Variants in KAZN observed in about 807,000 individuals in gnomAD.
KAZN encodes the protein kazrin, periplakin interacting protein, also known as kazrin.
Under a neutral mutation model 87.4 loss-of-function variants are expected in KAZN, and 40 were observed. That is an observed-to-expected ratio of 0.46 (90% CI 0.36 to 0.60). KAZN has a LOEUF of 0.60. Ranked by LOEUF, KAZN falls within the 20% of genes least tolerant of loss-of-function variation. The pLI is 0.00. For missense variants in KAZN, 898 were observed against 1,073.9 expected, an observed-to-expected ratio of 0.84 and a Z score of 2.29; for synonymous variants, 466 against 458.3, an observed-to-expected ratio of 1.02 and a Z score of -0.22.
intron 2 of KAZN, among the ~76,000 whole-genome samples, chr1:14,576,457 A>T (rs1191359113): frequency 6.6e-6 from 1 of 151,880 alleles, no homozygotes; most frequent in Non-Finnish European, 1.5e-5. Context: ...GGATGGATGG[A>T]TATATTAATG....
At position 15,060,540 on chromosome 1, in the gene KAZN, G is replaced by A. The variant is rs1278843064; in HGVS notation, c.1047+238G>A. 4.7e-5 allele frequency: 27 copies of A among 569,646 alleles called. 1 individual carries two copies. The Admixed American group carries it at 5.1e-4, about 11-fold the overall frequency. The allele number at this position is 569,646 out of a possible 1,614,324, so 35.3% of individuals were successfully genotyped here. On this transcript the variant is annotated intron_variant, in intron 6 of 14. Coordinates refer to ENST00000376030, the MANE Select transcript of KAZN (RefSeq NM_201628.3). ...AGGGTGAGGAGAATCCAGAGGAAGC[G>A]GGCCTGGGTCGGCCGCAGGCACAGC... is the stretch of plus-strand genomic sequence containing the variant.
At chr1:14,940,543 G>C (rs899244933) in intron 1 of KAZN, among the ~76,000 whole-genome samples, 2 of 152,222 alleles carry the variant, frequency 1.3e-5, no homozygotes, top group African/African-American at 4.8e-5. Flanking sequence ...TTGGGTGGTT[G>C]GGAGCACAGG....
chr1:14,472,870 A>G (rs193165172), intron 2 of KAZN, among the ~76,000 whole-genome samples: 1 of 152,304 alleles, frequency 6.6e-6, no homozygotes, highest in East Asian at 1.9e-4. Context: ...TAGAAGAGAT[A>G]CAAAGTCGAT....
At chr1:15,061,137 G>T (rs1365550283) in intron 6 of KAZN, 1 of 152,184 alleles carries the variant, frequency 6.6e-6, no homozygotes, top group Non-Finnish European at 1.5e-5. Context: ...AAAAAGAAAT[G>T]AGGTGAACAC....
intron 2 of KAZN, among the ~76,000 whole-genome samples, chr1:14,436,389 G>C (rs1666385731): frequency 2.0e-5 from 3 of 152,052 alleles, no homozygotes; most frequent in Non-Finnish European, 4.4e-5. Flanking sequence ...AGGAGGAAGT[G>C]GCAGCTAGCA....
chr1:15,037,554 G>A (rs2100260134), intron 3 of KAZN, among the ~76,000 whole-genome samples: 1 of 152,288 alleles, frequency 6.6e-6, no homozygotes, highest in South Asian at 2.1e-4. Context: ...GGCATGGAAA[G>A]CAAGGGGGGT....
chr1:14,550,226 C>T (rs1304034742), intron 2 of KAZN, among the ~76,000 whole-genome samples: 1 of 152,070 alleles, frequency 6.6e-6, no homozygotes, highest in African/African-American at 2.4e-5. Context: ...ATGAAATTTA[C>T]ATTTAATGGG....
chr1:13,960,956 G>C (rs887807358), intron 1 of KAZN, among the ~76,000 whole-genome samples: 1 of 152,206 alleles, frequency 6.6e-6, no homozygotes, highest in Non-Finnish European at 1.5e-5. Context: ...GAAGGGGACA[G>C]TTACTCATTC....
At chr1:14,046,819 C>T (rs1298661721) in intron 1 of KAZN, among the ~76,000 whole-genome samples, 4 of 152,202 alleles carry the variant, frequency 2.6e-5, no homozygotes, top group African/African-American at 4.8e-5. Context: ...CTGTGTTTCC[C>T]GATTGGAGTC....
At chr1:14,189,467 C>G (rs1410042195) in intron 2 of KAZN, among the ~76,000 whole-genome samples, 4 of 152,142 alleles carry the variant, frequency 2.6e-5, no homozygotes, top group Non-Finnish European at 5.9e-5. Context: ...TCTATACTTC[C>G]TGTAAGTCTA....
chr1:14,475,382 G>C (rs1017361357), intron 2 of KAZN, among the ~76,000 whole-genome samples: 3 of 152,162 alleles, frequency 2.0e-5, no homozygotes, highest in African/African-American at 7.2e-5. Flanking sequence ...ATAATGTGAA[G>C]AATAAAAGGT....
At chr1:13,941,136 A>G (rs1480591619) in intron 1 of KAZN, among the ~76,000 whole-genome samples, 3 of 152,188 alleles carry the variant, frequency 2.0e-5, no homozygotes, top group Non-Finnish European at 4.4e-5. Flanking sequence ...TGGAGGTTGC[A>G]GTGAGCCAAG....
At chr1:15,036,123 G>A (rs1204186613) in intron 3 of KAZN, among the ~76,000 whole-genome samples, 1 of 151,886 alleles carries the variant, frequency 6.6e-6, no homozygotes. Flanking sequence ...GAGTTCTCTG[G>A]GCCAGGCCAC....
chr1:14,360,571 C>T (rs1340364831), intron 2 of KAZN, among the ~76,000 whole-genome samples: 1 of 151,904 alleles, frequency 6.6e-6, no homozygotes, highest in Non-Finnish European at 1.5e-5. Context: ...TTTTAATCTT[C>T]GTGGATTTAT....
intron 2 of KAZN, among the ~76,000 whole-genome samples, chr1:14,424,956 T>C (rs1665637773): frequency 6.6e-6 from 1 of 152,240 alleles, no homozygotes; most frequent in African/African-American, 2.4e-5. Context: ...ATTCCTTGGC[T>C]TTCTCCAGCA....
At chr1:14,144,763 C>T (rs543504834) in intron 1 of KAZN, among the ~76,000 whole-genome samples, 1 of 152,284 alleles carries the variant, frequency 6.6e-6, no homozygotes, top group African/African-American at 2.4e-5. Context: ...AAGGAGAGCC[C>T]AGTGCAGAGA....
chr1:15,103,448 C>A lies in KAZN; in HGVS notation c.1869C>A (p.Asp623Glu), dbSNP rs148839561. The A allele has an allele frequency of 1.1e-5, 17 of 1,551,528 alleles. No homozygotes were observed. In the Admixed American group the frequency reaches 3.1e-4, roughly 29 times the overall value. The change falls in exon 12 of 15, where the codon GAC becomes GAA. Residue 623 changes from aspartate (D) to glutamate (E), a missense_variant. Physicochemically the swap from Asp to Glu is conservative, Grantham distance 45. This residue lies in a region of KAZN where 521 missense variants were observed against 689.4 expected (regional missense o/e 0.76). Coordinates refer to ENST00000376030, the MANE Select transcript of KAZN (RefSeq NM_201628.3). ...TNQRVLKWVR[D>E]IDLKEYADNL... is the part of the protein sequence containing the mutation. ...AGCGGGTGCTCAAGTGGGTTCGAGACATCGACCTGAAGGTGAGGGTGATAG... is the reference window on the plus strand; with the variant it reads ...AGCGGGTGCTCAAGTGGGTTCGAGAAATCGACCTGAAGGTGAGGGTGATAG...
At chr1:14,061,533 G>A (rs886098254) in intron 1 of KAZN, among the ~76,000 whole-genome samples, 4 of 152,312 alleles carry the variant, frequency 2.6e-5, no homozygotes, top group African/African-American at 9.6e-5. Flanking sequence ...TGCTCAAAAA[G>A]AGGCAAGCAG....
At chr1:14,244,417 ATCT>A (rs1649300483) in intron 2 of KAZN, among the ~76,000 whole-genome samples, 1 of 152,194 alleles carries the variant, frequency 6.6e-6, no homozygotes, top group Non-Finnish European at 1.5e-5. Flanking sequence ...GTTTGGAATC[ATCT>A]TCTTCATTGG....
Sources: allele counts gnomAD v4.1 joint callset (sites outside exome capture counted in the v4.1 genomes callset), GRCh38; gene constraint gnomAD v4.1.1; regional missense constraint gnomAD v4.1.1; transcripts MANE v1.5; gene names NCBI Gene and HGNC (gene_info 2026-07-23, HGNC 2026-07-21).